The following EDAR variants were observed in gnomAD, a reference collection of about 807,000 sequenced individuals.
EDAR encodes the protein tumor necrosis factor receptor superfamily member EDAR.
EDAR carries 38 observed loss-of-function variants against 51.3 expected under a neutral mutation model. The ratio of observed to expected loss-of-function variants is 0.74; its 90% CI spans 0.57 to 0.97. EDAR has a LOEUF of 0.97. Among genes scored for constraint, EDAR ranks in the 50% least tolerant of loss-of-function variants. EDAR has a pLI of 0.00. For missense variants in EDAR, 528 were observed against 595.0 expected (o/e 0.89, Z 1.17); for synonymous variants, 227 against 242.1 (o/e 0.94, Z 0.58).
In EDAR at chr2:108,969,222, T is replaced by A. The variant is rs149178408; in HGVS notation, c.-19+19738A>T. Among the ~76,000 whole-genome samples the A allele has an allele frequency of 2.6e-3, 400 of 152,288 alleles. 1 individual carries two copies. The highest frequency in any genetic ancestry group is 4.5e-3 in the Non-Finnish European group (309 of 67,994). ...TGGCTTTGACAACCTTCTTTTTTTT[T>A]TTCCTGCTCTTCTCTCTGCCCTCAG... On this transcript the variant is annotated intron_variant, in intron 1 of 11. Coordinates refer to ENST00000258443, the MANE Select transcript of EDAR (RefSeq NM_022336.4).
intron 11 of EDAR, among the ~76,000 whole-genome samples, chr2:108,899,646 T>C (rs974767980): frequency 2.0e-5 from 3 of 152,110 alleles, no homozygotes; most frequent in African/African-American, 7.2e-5. Flanking sequence ...TAAAGGGACA[T>C]AGAGAAAGGT....
At chr2:108,903,999 C>G (rs917804016) in intron 11 of EDAR, among the ~76,000 whole-genome samples, 1 of 152,016 alleles carries the variant, frequency 6.6e-6, no homozygotes, top group Non-Finnish European at 1.5e-5. Context: ...ATGAAAGACC[C>G]TGTTAAGAGA....
At chr2:108,976,681 A>C (rs1183433500) in intron 1 of EDAR, among the ~76,000 whole-genome samples, 2 of 152,098 alleles carry the variant, frequency 1.3e-5, no homozygotes, top group Non-Finnish European at 2.9e-5. Flanking sequence ...ATTTATTTTA[A>C]ACTCTGGGTT....
At chr2:108,930,315 G>A in intron 2 of EDAR, 73 bp from the exon 3 acceptor site, 1 of 1,603,616 alleles carries the variant, frequency 6.2e-7, no homozygotes, top group Non-Finnish European at 8.5e-7. Context: ...AGACCCCAAG[G>A]TTGACATAGG....
rs190345165 is a variant in EDAR, at chr2:108,979,685, G to A, written c.-19+9275C>T. On this transcript the variant is annotated intron_variant, in intron 1 of 11. Coordinates refer to ENST00000258443, the MANE Select transcript of EDAR (RefSeq NM_022336.4). Reference sequence around the variant, plus strand: ...CAGATTAATCATGAAGGATGCAGATGGCAGGAACTGCAGAGGAGAGGAGGG... The same window carrying A: ...CAGATTAATCATGAAGGATGCAGATAGCAGGAACTGCAGAGGAGAGGAGGG... 7.9e-5 allele frequency among the ~76,000 whole-genome samples: 12 copies of A among 152,270 alleles called. No individual in the cohort carries two copies. The East Asian group carries it at 2.3e-3, about 29-fold the overall frequency.
rs568157298 is a variant in EDAR at position 108,913,049 on chromosome 2, C to T, written c.443-285G>A. Among the ~76,000 whole-genome samples the T allele has an allele frequency of 2.0e-3, 303 of 151,252 alleles. 1 individual carries two copies. The Middle Eastern group carries it at 0.021, about 10-fold the overall frequency. On this transcript the variant is annotated intron_variant, in intron 5 of 11. Coordinates refer to ENST00000258443, the MANE Select transcript of EDAR (RefSeq NM_022336.4). ...CTGCAAGCTCTGCCTCCCTGGTTGA[C>T]GCCATTCTCCTGTCTCAGCCTCCCA...
chr2:108,962,568 G>A (rs922652906), intron 1 of EDAR, among the ~76,000 whole-genome samples: 12 of 151,222 alleles, frequency 7.9e-5, no homozygotes, highest in Non-Finnish European at 1.5e-4. Context: ...CCAGCTACTC[G>A]GGAGGCTGAG....
In EDAR at chr2:108,906,344, G is replaced by T. The variant is rs756923537; in HGVS notation, c.988C>A (p.Leu330Ile). The change falls in exon 11 of 12, where the codon CTC becomes ATC. Residue 330 changes from leucine (L) to isoleucine (I), a missense_variant. Coordinates refer to ENST00000258443, the MANE Select transcript of EDAR (RefSeq NM_022336.4). ...CCACACACGTTGGCATACACATCGA[G>T]GATCTTTTTCCTCCGGCTTTGAATC... Reference protein sequence around the residue: ...AGIQSRRKKILDVYANVCGVV... With the variant: ...AGIQSRRKKIIDVYANVCGVV... The T allele has an allele frequency of 1.2e-6, 2 of 1,614,066 alleles. No homozygotes were observed. The highest frequency in any genetic ancestry group is 2.7e-5 in the African/African-American group (2 of 74,920).
intron 5 of EDAR, among the ~76,000 whole-genome samples, chr2:108,915,664 C>T (rs1697013233): frequency 6.6e-6 from 1 of 152,138 alleles, no homozygotes; most frequent in East Asian, 1.9e-4. Context: ...CTTTGGGAGG[C>T]CGAGGCGGGA....
At chr2:108,985,159 T>C (rs1698476256) in intron 1 of EDAR, among the ~76,000 whole-genome samples, 1 of 152,228 alleles carries the variant, frequency 6.6e-6, no homozygotes, top group Admixed American at 6.5e-5. Context: ...TATTTCAGTA[T>C]TTGGGCTCAC....
At chr2:108,958,119 C>T (rs1359451387) in intron 1 of EDAR, among the ~76,000 whole-genome samples, 1 of 152,182 alleles carries the variant, frequency 6.6e-6, no homozygotes, top group African/African-American at 2.4e-5. Flanking sequence ...CACACCCCTG[C>T]ACTTTCATCC....
intron 1 of EDAR, among the ~76,000 whole-genome samples, chr2:108,957,685 C>T (rs893181663): frequency 2.0e-5 from 3 of 152,358 alleles, no homozygotes; most frequent in Middle Eastern, 3.4e-3. Flanking sequence ...ATGTCCAAAC[C>T]CCATCCTTCA....
chr2:108,972,783 G>A (rs1277946783), intron 1 of EDAR, among the ~76,000 whole-genome samples: 1 of 152,156 alleles, frequency 6.6e-6, no homozygotes, highest in East Asian at 1.9e-4. Context: ...AAGGGGGTGA[G>A]GACCGGGGGG....
At chr2:108,930,027 C>T in intron 3 of EDAR, 93 bp downstream of exon 3, 1 of 1,465,328 alleles carries the variant, frequency 6.8e-7, no homozygotes, top group Non-Finnish European at 9.2e-7. Context: ...CCTGGCATCC[C>T]CTCACACAGC....
At chr2:108,916,935 A>AT (rs1391343817) in intron 5 of EDAR, among the ~76,000 whole-genome samples, 4 of 152,148 alleles carry the variant, frequency 2.6e-5, no homozygotes, top group Non-Finnish European at 5.9e-5. Context: ...GCAGGAGGAC[A>AT]TGGGGATTCA....
intron 11 of EDAR, among the ~76,000 whole-genome samples, chr2:108,899,124 T>C (rs966404839): frequency 6.6e-6 from 1 of 152,142 alleles, no homozygotes. Flanking sequence ...TCAAGATACA[T>C]CATAAATGAA....
intron 2 of EDAR, among the ~76,000 whole-genome samples, chr2:108,930,578 C>G (rs1004036247): frequency 6.6e-6 from 1 of 152,156 alleles, no homozygotes; most frequent in Non-Finnish European, 1.5e-5. Flanking sequence ...CACTGAGCCT[C>G]TAATACAGTG....
At position 108,895,594 on chromosome 2, in the gene EDAR, T is replaced by G. The variant is rs933943915; in HGVS notation, c.*1313A>C. ...AATGGACAAACCACACTGTGTTGAC[T>G]TCCATAGAGCACCTCAAAGGCCTGG... On this transcript the variant is annotated 3_prime_UTR_variant, in exon 12 of 12. Transcript: ENST00000258443. 11 of 152,368 alleles carry G rather than the reference T, an allele frequency of 7.2e-5. No individual in the cohort carries two copies. Among genetic ancestry groups the G allele is most frequent in the African/African-American group, 2.2e-4 (9 of 41,584 alleles). The allele number at this position is 152,368 out of a possible 1,614,324, so 9.4% of individuals were successfully genotyped here. A position where few individuals can be genotyped will look rare whatever the true frequency, so the allele number is the denominator to read the frequency against.
intron 1 of EDAR, among the ~76,000 whole-genome samples, chr2:108,964,681 G>A (rs999140535): frequency 3.9e-4 from 60 of 152,184 alleles, no homozygotes; most frequent in African/African-American, 2.4e-4. Flanking sequence ...TGCTGAAGGC[G>A]TGTCCACAGG....
Sources: gnomAD v4.1 joint callset for allele counts (sites outside exome capture counted in the v4.1 genomes callset) on GRCh38, gnomAD v4.1.1 for gene constraint, MANE v1.5 for transcripts, NCBI Gene and HGNC (gene_info 2026-07-23, HGNC 2026-07-21) for gene names.